HLTF: variants seen among roughly 807,000 people sequenced by gnomAD.
HLTF encodes the protein DNA-dependent ATPase/E3 ubiquitin-protein ligase HLTF.
A neutral mutation model predicts 129.4 loss-of-function variants in HLTF; 127 were observed. The ratio of observed to expected loss-of-function variants is 0.98; its 90% CI spans 0.85 to 1.14. The LOEUF (loss-of-function observed/expected upper bound fraction) is 1.14. Among genes scored for constraint, HLTF ranks in the 50% most tolerant of loss-of-function variants. The probability of loss-of-function intolerance (pLI) is 0.00; values close to 1 mark genes in which losing one functional copy is unlikely to be tolerated. For missense variants in HLTF, 1,139 were observed against 1,187.1 expected, an observed-to-expected ratio of 0.96 and a Z score of 0.60; for synonymous variants, 332 against 388.8, an observed-to-expected ratio of 0.85 and a Z score of 1.72.
At chr3:149,066,465 A>G (rs576587147) in intron 8 of HLTF, among the ~76,000 whole-genome samples, 22 of 152,222 alleles carry the variant, frequency 1.4e-4, no homozygotes, top group African/African-American at 4.8e-4. Context: ...AATCTAGGGG[A>G]ATTTAAATCA....
intron 15 of HLTF, 100 bp downstream of exon 15, chr3:149,050,132 A>T (rs1716863900): frequency 1.5e-6 from 1 of 661,184 alleles, no homozygotes; most frequent in African/African-American, 1.9e-5. Context: ...TAAAGAGAAA[A>T]AAAAAGTATA....
intron 4 of HLTF, among the ~76,000 whole-genome samples, chr3:149,073,766 T>C (rs953693556): frequency 6.6e-6 from 1 of 152,184 alleles, no homozygotes; most frequent in Non-Finnish European, 1.5e-5. Flanking sequence ...ATTTTAGAGG[T>C]ATTTTAAAAG....
intron 23 of HLTF, 100 bp from the exon 24 acceptor site, chr3:149,035,098 C>T: frequency 1.1e-6 from 1 of 914,904 alleles, no homozygotes; most frequent in Non-Finnish European, 1.8e-6. Flanking sequence ...CTTTTTCTGA[C>T]TGAAAGTTTT....
At chr3:149,060,584 A>C (rs1222872161) in intron 12 of HLTF, 59 bp downstream of exon 12, 1 of 1,324,594 alleles carries the variant, frequency 7.5e-7, no homozygotes, top group Non-Finnish European at 1.1e-6. Context: ...ATACAAATCA[A>C]TGGAGCTGTA....
At chr3:149,036,895 T>G (rs1451703970) in intron 23 of HLTF, among the ~76,000 whole-genome samples, 1 of 152,240 alleles carries the variant, frequency 6.6e-6, no homozygotes, top group African/African-American at 2.4e-5. Flanking sequence ...ACACTCAACT[T>G]ACTATAAAAC....
intron 24 of HLTF, 87 bp downstream of exon 24, chr3:149,034,831 C>A (rs936983486): frequency 7.0e-6 from 6 of 859,732 alleles, no homozygotes; most frequent in Non-Finnish European, 1.2e-5. Flanking sequence ...TAATTACACT[C>A]AATCATAATA....
At chr3:149,058,121 A>G (rs1317442683) in intron 13 of HLTF, among the ~76,000 whole-genome samples, 2 of 152,150 alleles carry the variant, frequency 1.3e-5, no homozygotes, top group Non-Finnish European at 2.9e-5. Context: ...TTTTTGAGAC[A>G]TGGTCTCGCT....
chr3:149,060,986 G>C (rs920761538), intron 10 of HLTF, 128 bp from the exon 11 acceptor site: 2 of 646,830 alleles, frequency 3.1e-6, no homozygotes, highest in Non-Finnish European at 5.3e-6. Context: ...ATTTTTTAAA[G>C]ATTTTGACAA....
intron 19 of HLTF, 95 bp downstream of exon 19, chr3:149,042,071 A>T: frequency 9.1e-7 from 1 of 1,099,886 alleles, no homozygotes. Context: ...GACAGAACAA[A>T]ATAAACTAAA....
chr3:149,036,230 G>A (rs561819857), intron 23 of HLTF, among the ~76,000 whole-genome samples: 1 of 151,530 alleles, frequency 6.6e-6, no homozygotes, highest in East Asian at 1.9e-4. Context: ...CCCCTGGTAA[G>A]TGGTTTTTAA....
At chr3:149,033,323 C>A (rs1180909517) in intron 24 of HLTF, among the ~76,000 whole-genome samples, 1 of 151,908 alleles carries the variant, frequency 6.6e-6, no homozygotes, top group Non-Finnish European at 1.5e-5. Flanking sequence ...TGGAAACATT[C>A]GTTACTTATA....
chr3:149,079,373 TAAAAAAAAAAAAAAAAAAAAAAAAAA>T (rs71135659), intron 2 of HLTF, among the ~76,000 whole-genome samples: 3 of 57,232 alleles, frequency 5.2e-5, no homozygotes, highest in Non-Finnish European at 6.3e-5. Flanking sequence ...CGACAGTTTC[TAAAAAAAAAAAAAAAAAAAAAAAAAA>T]AAAAAAAAAA....
At chr3:149,061,901 C>T (rs1360916462) in intron 10 of HLTF, among the ~76,000 whole-genome samples, 4 of 148,366 alleles carry the variant, frequency 2.7e-5, no homozygotes, top group African/African-American at 9.9e-5. Flanking sequence ...ATACTTCTAA[C>T]ACAATGAAAT....
intron 23 of HLTF, among the ~76,000 whole-genome samples, chr3:149,037,513 T>C (rs1715756616): frequency 6.7e-6 from 1 of 150,022 alleles, no homozygotes; most frequent in African/African-American, 2.5e-5. Flanking sequence ...GACCATACCA[T>C]ATCCATGATA....
intron 23 of HLTF, among the ~76,000 whole-genome samples, chr3:149,037,505 C>T (rs906429440): frequency 2.0e-5 from 3 of 151,208 alleles, no homozygotes; most frequent in Non-Finnish European, 4.4e-5. Context: ...ATACAACAGA[C>T]CATACCATAT....
At position 149,048,132 on chromosome 3, in the gene HLTF, C is replaced by T; in HGVS notation, c.1788G>A (p.Leu596=). 6.2e-7 allele frequency: 1 copy of T among 1,610,942 alleles called. No individual in the cohort carries two copies. Among genetic ancestry groups the T allele is most frequent in the Admixed American group, 1.7e-5 (1 of 59,488 alleles). Residue 596 remains leucine (L), a synonymous_variant, in exon 17 of 25, where the codon TTG becomes TTA. Coordinates refer to ENST00000310053, the MANE Select transcript of HLTF (RefSeq NM_003071.4). ...GTTTTAAAAAGGAAAGAAGAGACCACAAGTCCTTTAAAGAATTCTGGATTG... is the reference window on the plus strand; with the variant it reads ...GTTTTAAAAAGGAAAGAAGAGACCATAAGTCCTTTAAAGAATTCTGGATTG... ...GTPIQNSLKD[L]WSLLSFLKLK...
chr3:149,063,501 G>T lies in HLTF; in HGVS notation c.1090C>A (p.Pro364Thr). 1 of 1,608,236 alleles carries T rather than the reference G, an allele frequency of 6.2e-7. No individual in the cohort carries two copies. ...TTCTCCTTGATATCTGAAATACTGG[G>T]TTGTTCACTACATCTAGATGCGTCT... ...SKDASRCSEQ[P>T]SISDIKEKSK... The change falls in exon 10 of 25, where the codon CCC becomes ACC. Residue 364 changes from proline (P) to threonine (T), a missense_variant. Physicochemically the swap from Pro to Thr is conservative, Grantham distance 38. Transcript: ENST00000310053.
intron 14 of HLTF, 135 bp from the exon 15 acceptor site, chr3:149,050,510 A>G (rs552263644): frequency 5.9e-5 from 29 of 495,304 alleles, no homozygotes; most frequent in Non-Finnish European, 9.4e-5. Context: ...AGTTTCCTTC[A>G]GTCTAGACCA....
Position 149,073,265 on chromosome 3 carries a change from C to G in HLTF, c.587G>C (p.Ser196Thr), listed in dbSNP as rs924319831. The G allele has an allele frequency of 5.0e-6, 8 of 1,613,332 alleles. No homozygotes were observed. In the Middle Eastern group the frequency reaches 4.9e-4, roughly 100 times the overall value. Reference sequence around the variant, plus strand: ...CTGTACTGCAGCATGCACTGGCATACTATAGCTTGGTCCAGCTCTTCCAGA... The same window carrying G: ...CTGTACTGCAGCATGCACTGGCATAGTATAGCTTGGTCCAGCTCTTCCAGA... Reference protein sequence around the residue: ...WGSGRAGPSYSMPVHAAVQMT... With the variant: ...WGSGRAGPSYTMPVHAAVQMT... Residue 196 changes from serine (S) to threonine (T), a missense_variant, in exon 5 of 25, where the codon AGT becomes ACT. Physicochemically the swap from Ser to Thr is moderately conservative, Grantham distance 58 (BLOSUM62 1). Transcript: ENST00000310053.
Sources: allele counts gnomAD v4.1 joint callset (sites outside exome capture counted in the v4.1 genomes callset), GRCh38; gene constraint gnomAD v4.1.1; transcripts MANE v1.5; gene names NCBI Gene and HGNC (gene_info 2026-07-23, HGNC 2026-07-21).